Variants in SOX6 observed in about 807,000 individuals in gnomAD.
SOX6 encodes the protein transcription factor SOX-6.
SOX6 carries 11 observed loss-of-function variants against 97.8 expected under a neutral mutation model. The ratio of observed to expected loss-of-function variants is 0.11; its 90% CI spans 0.07 to 0.19. SOX6 has a LOEUF of 0.19. Among genes scored for constraint, SOX6 ranks in the 10% least tolerant of loss-of-function variants. The probability of loss-of-function intolerance (pLI) is 1.00; values close to 1 mark genes in which losing one functional copy is unlikely to be tolerated. For missense variants in SOX6, 810 were observed against 1,039.5 expected (o/e 0.78, Z 3.04); for synonymous variants, 360 against 371.4 (o/e 0.97, Z 0.35).
intron 4 of SOX6, among the ~76,000 whole-genome samples, chr11:16,583,348 T>A (rs1257972588): frequency 2.0e-5 from 3 of 151,636 alleles, no homozygotes; most frequent in Admixed American, 6.6e-5. Flanking sequence ...TTAGCTATAG[T>A]CACCATGCAG....
chr11:16,052,848 T>G (rs78698022), intron 10 of SOX6, among the ~76,000 whole-genome samples: 1 of 152,138 alleles, frequency 6.6e-6, no homozygotes, highest in Non-Finnish European at 1.5e-5. Flanking sequence ...TTCTGGGGAA[T>G]CTACTTGATG....
At chr11:16,625,372 T>C (rs989138376) in intron 3 of SOX6, among the ~76,000 whole-genome samples, 1 of 152,236 alleles carries the variant, frequency 6.6e-6, no homozygotes, top group Non-Finnish European at 1.5e-5. Context: ...ATCCGTATAT[T>C]GGTCTCTGCC....
At chr11:16,112,731 T>C (rs1233549327) in intron 6 of SOX6, among the ~76,000 whole-genome samples, 1 of 152,176 alleles carries the variant, frequency 6.6e-6, no homozygotes, top group African/African-American at 2.4e-5. Flanking sequence ...AAATAAGAGC[T>C]ATGACAGAAT....
intron 9 of SOX6, among the ~76,000 whole-genome samples, chr11:16,065,049 T>C (rs1302316132): frequency 2.0e-5 from 3 of 151,882 alleles, no homozygotes; most frequent in East Asian, 3.9e-4. Flanking sequence ...ACAAAGGGTA[T>C]CCAAATTGAA....
intron 4 of SOX6, among the ~76,000 whole-genome samples, chr11:16,233,029 G>C (rs1313761836): frequency 1.3e-5 from 2 of 152,118 alleles, no homozygotes; most frequent in African/African-American, 2.4e-5. Context: ...GAAAAAAGAT[G>C]ACTTCCTTTT....
At chr11:16,566,986 G>A (rs1158683831) in intron 4 of SOX6, among the ~76,000 whole-genome samples, 2 of 152,202 alleles carry the variant, frequency 1.3e-5, no homozygotes, top group Non-Finnish European at 2.9e-5. Flanking sequence ...ATATTATTCA[G>A]TAATAAAAAG....
intron 4 of SOX6, among the ~76,000 whole-genome samples, chr11:16,205,621 G>A (rs1020794180): frequency 2.0e-5 from 3 of 152,060 alleles, no homozygotes; most frequent in African/African-American, 7.2e-5. Flanking sequence ...GATAAATCAC[G>A]TAAGTATATA....
chr11:16,115,333 G>A (rs1004631991), intron 6 of SOX6, among the ~76,000 whole-genome samples: 1 of 152,104 alleles, frequency 6.6e-6, no homozygotes, highest in Non-Finnish European at 1.5e-5. Context: ...AGAAAACTCT[G>A]GAATTCAGTC....
At chr11:16,429,970 T>C (rs1859239485) in intron 1 of SOX6, among the ~76,000 whole-genome samples, 2 of 152,194 alleles carry the variant, frequency 1.3e-5, no homozygotes, top group Admixed American at 1.3e-4. Flanking sequence ...CGGTATGTTT[T>C]CAATTTGCTC....
At chr11:15,984,773 A>T (rs572186966) in intron 15 of SOX6, among the ~76,000 whole-genome samples, 1 of 152,332 alleles carries the variant, frequency 6.6e-6, no homozygotes, top group South Asian at 2.1e-4. Context: ...CCATGGTATA[A>T]AGAAATTCAC....
chr11:16,443,055 T>C (rs894182863), intron 1 of SOX6, among the ~76,000 whole-genome samples: 1 of 152,168 alleles, frequency 6.6e-6, no homozygotes, highest in Admixed American at 6.5e-5. Context: ...TACTAGTCCC[T>C]TTTAATGTCT....
At chr11:16,081,762 G>A (rs1848476822) in intron 9 of SOX6, among the ~76,000 whole-genome samples, 1 of 152,114 alleles carries the variant, frequency 6.6e-6, no homozygotes, top group Non-Finnish European at 1.5e-5. Flanking sequence ...ACTAATTCTA[G>A]TTAATCAAAG....
At chr11:16,467,069 C>T (rs192659400) in intron 1 of SOX6, among the ~76,000 whole-genome samples, 2 of 150,614 alleles carry the variant, frequency 1.3e-5, no homozygotes, top group South Asian at 2.1e-4. Context: ...ATTAGAGAAA[C>T]GCAAATCAAA....
At chr11:16,415,172 A>G (rs1858901507) in intron 1 of SOX6, among the ~76,000 whole-genome samples, 1 of 152,194 alleles carries the variant, frequency 6.6e-6, no homozygotes, top group Non-Finnish European at 1.5e-5. Flanking sequence ...CAGCCTAGAC[A>G]TGTAAATTAC....
intron 6 of SOX6, among the ~76,000 whole-genome samples, chr11:16,175,197 T>C (rs1218334265): frequency 1.3e-5 from 2 of 152,102 alleles, no homozygotes; most frequent in Non-Finnish European, 1.5e-5. Flanking sequence ...TGTGTATATG[T>C]GCACATGTAG....
At chr11:16,608,487 A>G (rs867414174) in intron 4 of SOX6, among the ~76,000 whole-genome samples, 1 of 152,160 alleles carries the variant, frequency 6.6e-6, no homozygotes, top group Non-Finnish European at 1.5e-5. Flanking sequence ...AAGTAGTCAA[A>G]AGAGAGAAAA....
chr11:16,479,802 A>G (rs1483553574), upstream of SOX6, among the ~76,000 whole-genome samples: 1 of 152,130 alleles, frequency 6.6e-6, no homozygotes, highest in Admixed American at 6.5e-5. Flanking sequence ...CACTTTTACA[A>G]TAAGTTTTAA....
At chr11:16,224,133 T>G (rs936712033) in intron 4 of SOX6, among the ~76,000 whole-genome samples, 1 of 152,042 alleles carries the variant, frequency 6.6e-6, no homozygotes, top group African/African-American at 2.4e-5. Flanking sequence ...ATAAGAACAT[T>G]TTATAATTGA....
chr11:16,463,103 A>G (rs976302127), intron 1 of SOX6, among the ~76,000 whole-genome samples: 1 of 152,194 alleles, frequency 6.6e-6, no homozygotes, highest in Non-Finnish European at 1.5e-5. Flanking sequence ...TATCAGATAA[A>G]TTTGTAATTG....
Sources: allele counts gnomAD v4.1 joint callset (sites outside exome capture counted in the v4.1 genomes callset), GRCh38; gene constraint gnomAD v4.1.1; transcripts MANE v1.5; gene names NCBI Gene and HGNC (gene_info 2026-07-23, HGNC 2026-07-21).